FAM171B: variants seen among roughly 807,000 people sequenced by gnomAD.
The protein encoded by FAM171B is family with sequence similarity 171 member B.
A neutral mutation model predicts 75.6 loss-of-function variants in FAM171B; 19 were observed. The observed-to-expected ratio is 0.25, with a 90% CI of 0.18 to 0.37. The LOEUF (loss-of-function observed/expected upper bound fraction) is 0.37. Ranked by LOEUF, FAM171B falls within the 10% of genes least tolerant of loss-of-function variation. FAM171B has a pLI of 1.00. For missense variants in FAM171B, 848 were observed against 982.4 expected, an observed-to-expected ratio of 0.86 and a Z score of 1.83; for synonymous variants, 367 against 361.7, an observed-to-expected ratio of 1.01 and a Z score of -0.17.
chr2:186,703,522 C>T (rs1689692405), intron 1 of FAM171B, among the ~76,000 whole-genome samples: 1 of 152,110 alleles, frequency 6.6e-6, no homozygotes, highest in African/African-American at 2.4e-5. Flanking sequence ...GATTCCTCTG[C>T]TTTTTAATAA....
intron 1 of FAM171B, among the ~76,000 whole-genome samples, chr2:186,706,688 G>A (rs762469632): frequency 2.6e-5 from 4 of 152,176 alleles, no homozygotes; most frequent in Non-Finnish European, 4.4e-5. Flanking sequence ...CTGTTGTGGT[G>A]ATTGTGCTTT....
In FAM171B at chr2:186,747,075, G is replaced by A. The variant is rs1221287692; in HGVS notation, c.566-17G>A. The A allele has an allele frequency of 1.5e-5, 24 of 1,549,108 alleles. No homozygotes were observed. In the Admixed American group the frequency reaches 4.8e-4, roughly 31 times the overall value. On this transcript the variant is annotated splice_polypyrimidine_tract_variant and intron_variant, in intron 3 of 7. Coordinates refer to ENST00000304698, the MANE Select transcript of FAM171B (RefSeq NM_177454.4). ...CATGCCTTTATCTCTTTGTTAATGA[G>A]GTTTCCTTTTTTCCAGATGCCAAGT...
chr2:186,696,594 C>G (rs1033718758), intron 1 of FAM171B, among the ~76,000 whole-genome samples: 1 of 149,166 alleles, frequency 6.7e-6, no homozygotes, highest in Non-Finnish European at 1.5e-5. Context: ...CTTTTCCTCC[C>G]GTCTCCTTTA....
intron 1 of FAM171B, among the ~76,000 whole-genome samples, chr2:186,701,315 T>G (rs1221411630): frequency 6.6e-6 from 1 of 152,166 alleles, no homozygotes; most frequent in Non-Finnish European, 1.5e-5. Context: ...TCAAACAAAT[T>G]AACATATCCA....
chr2:186,731,725 G>C (rs1007209078), intron 1 of FAM171B, among the ~76,000 whole-genome samples: 2 of 152,096 alleles, frequency 1.3e-5, no homozygotes, highest in Non-Finnish European at 2.9e-5. Flanking sequence ...TGTGAGCGGC[G>C]GGTGAGTCAG....
In FAM171B at chr2:186,758,139, G is replaced by T. The variant is rs866747055; in HGVS notation, c.1013-2974G>T. 8.3e-4 allele frequency among the ~76,000 whole-genome samples: 42 copies of T among 50,606 alleles called. 1 individual carries two copies. Among genetic ancestry groups the T allele is most frequent in the Middle Eastern group, 7.2e-3 (1 of 138 alleles). The allele number at this position is 50,606 out of a possible 152,430, so 33.2% of individuals were successfully genotyped here. A position where few individuals can be genotyped will look rare whatever the true frequency, so the allele number is the denominator to read the frequency against. On this transcript the variant is annotated intron_variant, in intron 6 of 7. Transcript: ENST00000304698. ...GTATAGCGAAAACTGAGTGCTTATC[G>T]TGAGCCAAGGACTGGTGTCAGTGTT...
intron 2 of FAM171B, 124 bp downstream of exon 2, chr2:186,740,585 G>A (rs927169435): frequency 6.3e-6 from 5 of 794,004 alleles, no homozygotes; most frequent in African/African-American, 5.3e-5. Flanking sequence ...ACATAAGGAG[G>A]TTACAAGGGA....
intron 6 of FAM171B, 44 bp from the exon 7 acceptor site, chr2:186,761,069 G>C (rs1690607202): frequency 6.4e-7 from 1 of 1,570,302 alleles, no homozygotes; most frequent in African/African-American, 1.4e-5. Flanking sequence ...TTGAGAATTT[G>C]ATCTAAAATA....
intron 1 of FAM171B, among the ~76,000 whole-genome samples, chr2:186,702,498 A>G (rs941305467): frequency 2.0e-5 from 3 of 152,194 alleles, no homozygotes; most frequent in African/African-American, 7.2e-5. Flanking sequence ...CATCAGCACA[A>G]TTCACATGTC....
rs781361159 is a variant in FAM171B, at chr2:186,751,279, T to C, written c.870T>C (p.Pro290=). Residue 290 remains proline, a synonymous_variant, in exon 5 of 8, where the codon CCT becomes CCC. Transcript: ENST00000304698. ...ATATAAGTGCAGGGGATCGCATACCTGCTTGGACATTTGATATGAACACAG... is the reference window on the plus strand; with the variant it reads ...ATATAAGTGCAGGGGATCGCATACCCGCTTGGACATTTGATATGAACACAG... ...LNDISAGDRI[P]AWTFDMNTGA... is the part of the protein sequence containing the mutation. 1 of 1,597,808 alleles carries C rather than the reference T, an allele frequency of 6.3e-7. No homozygotes were observed.
At chr2:186,729,883 T>A (rs1055349902) in intron 1 of FAM171B, among the ~76,000 whole-genome samples, 2 of 152,222 alleles carry the variant, frequency 1.3e-5, no homozygotes, top group Admixed American at 1.3e-4. Flanking sequence ...TGGGACTTGG[T>A]GTCAGAGGGA....
chr2:186,737,976 C>T lies in FAM171B; in HGVS notation c.239-2252C>T, dbSNP rs73979353. Among the ~76,000 whole-genome samples the T allele has an allele frequency of 2.9e-3, 440 of 152,342 alleles. 3 individuals carry two copies. Among genetic ancestry groups the T allele is most frequent in the African/African-American group, 0.01 (427 of 41,590 alleles). On this transcript the variant is annotated intron_variant, in intron 1 of 7. Transcript: ENST00000304698. Reference sequence around the variant, plus strand: ...AGATCCCACACCCGCTGTGGCTCCACGCTCAGCCTGTGGCTGGACTGGGCA... The same window carrying T: ...AGATCCCACACCCGCTGTGGCTCCATGCTCAGCCTGTGGCTGGACTGGGCA...
At chr2:186,706,439 G>C (rs948974481) in intron 1 of FAM171B, among the ~76,000 whole-genome samples, 1 of 152,182 alleles carries the variant, frequency 6.6e-6, no homozygotes, top group African/African-American at 2.4e-5. Flanking sequence ...GGAAATGCAA[G>C]AGACTATGAA....
At chr2:186,700,265 A>T (rs1689638149) in intron 1 of FAM171B, among the ~76,000 whole-genome samples, 1 of 151,112 alleles carries the variant, frequency 6.6e-6, no homozygotes, top group Non-Finnish European at 1.5e-5. Flanking sequence ...AGGTCCTTTT[A>T]GAGGTAAAAT....
At chr2:186,731,752 T>A (rs1020327327) in intron 1 of FAM171B, among the ~76,000 whole-genome samples, 2 of 152,130 alleles carry the variant, frequency 1.3e-5, no homozygotes, top group Admixed American at 1.3e-4. Context: ...TTCATCTATG[T>A]TTACAGCCAT....
chr2:186,762,802 C>T lies in FAM171B; in HGVS notation c.2460C>T (p.Arg820=). 3 of 1,611,190 alleles carry T rather than the reference C, an allele frequency of 1.9e-6. No homozygotes were observed. Among genetic ancestry groups the T allele is most frequent in the Non-Finnish European group, 2.5e-6 (3 of 1,178,528 alleles). Reference sequence around the variant, plus strand: ...ACATCTGGAAGAAGCGAGAGGAACGCCCACTGATTCCCATAAATTAACTCC... The same window carrying T: ...ACATCTGGAAGAAGCGAGAGGAACGTCCACTGATTCCCATAAATTAACTCC... ...KTNIWKKREE[R]PLIPIN Residue 820 remains arginine, a synonymous_variant, in exon 8 of 8, where the codon CGC becomes CGT. Transcript: ENST00000304698. The surrounding 1 kb of genome is among the most constrained non-coding windows in gnomAD (Gnocchi z 4.0).
Position 186,694,338 on chromosome 2 carries a change from G to A in FAM171B, c.165G>A (p.Gln55=), listed in dbSNP as rs1574515825. 1 of 1,419,760 alleles carries A rather than the reference G, an allele frequency of 7.0e-7. No homozygotes were observed. The highest frequency in any genetic ancestry group is 9.6e-7 in the Non-Finnish European group (1 of 1,043,458). 87.9% of individuals were successfully genotyped at this position (1,419,760 alleles called of 1,614,324 possible). A position where few individuals can be genotyped will look rare whatever the true frequency, so the allele number is the denominator to read the frequency against. ...QQQQQQQQQQ[Q]QKQLEEAEEE... ...AGCAGCAGCAACAACAACAACAACA[G>A]CAAAAGCAGCTGGAGGAGGCTGAGG... Residue 55 remains glutamine (Q), a synonymous_variant, in exon 1 of 8, where the codon CAG becomes CAA. Coordinates refer to ENST00000304698, the MANE Select transcript of FAM171B (RefSeq NM_177454.4).
At chr2:186,747,325 C>A in intron 4 of FAM171B, 75 bp downstream of exon 4, 1 of 975,882 alleles carries the variant, frequency 1.0e-6, no homozygotes, top group Admixed American at 3.4e-5. Flanking sequence ...ATTTAGCTAT[C>A]TATAATAGCT....
At chr2:186,754,143 C>A in intron 6 of FAM171B, 94 bp downstream of exon 6, 1 of 842,648 alleles carries the variant, frequency 1.2e-6, no homozygotes, top group Non-Finnish European at 1.9e-6. Context: ...TAAGCACTGC[C>A]ACTTACCAGC....
Sources: gnomAD v4.1 joint callset for allele counts (sites outside exome capture counted in the v4.1 genomes callset) on GRCh38, gnomAD v4.1.1 for gene constraint, Gnocchi (gnomAD v3.1) non-coding constraint, MANE v1.5 for transcripts, NCBI Gene and HGNC (gene_info 2026-07-23, HGNC 2026-07-21) for gene names.